The following ROBO2 variants were observed in gnomAD, a reference collection of about 807,000 sequenced individuals.
ROBO2 encodes the protein roundabout homolog 2.
A neutral mutation model predicts 160.8 loss-of-function variants in ROBO2; 53 were observed. The observed-to-expected ratio is 0.33, with a 90% CI of 0.26 to 0.41. The LOEUF (loss-of-function observed/expected upper bound fraction) is 0.41. Among genes scored for constraint, ROBO2 ranks in the 10% least tolerant of loss-of-function variants. The pLI, the probability that ROBO2 is intolerant of heterozygous loss-of-function variation, is 1.00. For synonymous variants in ROBO2, 664 were observed against 611.7 expected, an observed-to-expected ratio of 1.09 and a Z score of -1.26; for missense variants, 1,577 against 1,722.4, an observed-to-expected ratio of 0.92 and a Z score of 1.49.
chr3:76,404,109 A>T (rs1308178891), intron 2 of ROBO2, among the ~76,000 whole-genome samples: 1 of 151,674 alleles, frequency 6.6e-6, no homozygotes, highest in Non-Finnish European at 1.5e-5. Context: ...GCAATGCTTA[A>T]TTTGTGCTAC....
At chr3:76,703,360 ATTTTG>A (rs1358293432) in intron 2 of ROBO2, among the ~76,000 whole-genome samples, 1 of 151,978 alleles carries the variant, frequency 6.6e-6, no homozygotes, top group Non-Finnish European at 1.5e-5. Context: ...CCTGTCATTT[ATTTTG>A]TTTTGTTTTG....
intron 1 of ROBO2, among the ~76,000 whole-genome samples, chr3:75,918,270 G>A (rs1946891667): frequency 1.3e-5 from 2 of 152,122 alleles, no homozygotes; most frequent in African/African-American, 4.8e-5. Context: ...AGTTTTCCCA[G>A]CGCCATTTAT....
intron 2 of ROBO2, among the ~76,000 whole-genome samples, chr3:76,141,244 C>T (rs1311138995): frequency 7.6e-6 from 1 of 130,952 alleles, no homozygotes; most frequent in Non-Finnish European, 1.6e-5. Flanking sequence ...TCTGGCTTTG[C>T]TGAACATGAA....
intron 2 of ROBO2, among the ~76,000 whole-genome samples, chr3:77,343,511 C>T (rs190440122): frequency 3.3e-5 from 5 of 152,238 alleles, no homozygotes; most frequent in East Asian, 1.9e-4. Flanking sequence ...CACTTATTTA[C>T]GTATTTAACA....
chr3:76,758,218 T>A lies in ROBO2; in HGVS notation c.110-339796T>A, dbSNP rs148941384. 6.4e-3 allele frequency among the ~76,000 whole-genome samples: 979 copies of A among 151,878 alleles called. 12 individuals are homozygous for A. Among genetic ancestry groups the A allele is most frequent in the Non-Finnish European group, 6.9e-3 (471 of 67,834 alleles). On this transcript the variant is annotated intron_variant, in intron 2 of 26. Transcript: ENST00000487694. ...TTGTTCCATGGAAAAAAAAATACCA[T>A]CCATTCCTGCAGCACTTTTTACATT...
chr3:77,402,801 C>T (rs546527578), intron 2 of ROBO2, among the ~76,000 whole-genome samples: 14 of 152,166 alleles, frequency 9.2e-5, no homozygotes, highest in Admixed American at 3.9e-4. Context: ...CGCCGGCACA[C>T]GAAATCCTGA....
chr3:77,346,866 T>G (rs1477990480), intron 2 of ROBO2, among the ~76,000 whole-genome samples: 1 of 152,190 alleles, frequency 6.6e-6, no homozygotes, highest in Non-Finnish European at 1.5e-5. Context: ...TTGTCCTTTC[T>G]CCCTTCTGGC....
intron 2 of ROBO2, among the ~76,000 whole-genome samples, chr3:77,332,001 C>T (rs899547382): frequency 1.3e-5 from 2 of 152,246 alleles, no homozygotes; most frequent in South Asian, 2.1e-4. Context: ...CCAACGCCCC[C>T]GGCCTGAAAT....
chr3:77,213,151 G>A (rs1348583062), intron 2 of ROBO2, among the ~76,000 whole-genome samples: 1 of 152,124 alleles, frequency 6.6e-6, no homozygotes, highest in African/African-American at 2.4e-5. Flanking sequence ...AGAAGGAATG[G>A]TACCAGCTCC....
At chr3:77,039,223 G>A, upstream of ROBO2, among the ~76,000 whole-genome samples, 1 of 151,370 alleles carries the variant, frequency 6.6e-6, no homozygotes, top group East Asian at 2.0e-4. Context: ...AATCATATAG[G>A]AAGCATCTAC....
chr3:76,609,537 T>C (rs897744940), intron 2 of ROBO2, among the ~76,000 whole-genome samples: 1 of 152,164 alleles, frequency 6.6e-6, no homozygotes, highest in Non-Finnish European at 1.5e-5. Flanking sequence ...TGTTGGCATA[T>C]AGAAATGCTA....
intron 3 of ROBO2, among the ~76,000 whole-genome samples, chr3:77,477,850 T>TC: frequency 6.8e-6 from 1 of 147,610 alleles, no homozygotes; most frequent in African/African-American, 2.5e-5. Context: ...TTTTTTTTTT[T>TC]TTTGAGACAG....
At chr3:77,541,528 T>C (rs1449704171) in intron 6 of ROBO2, among the ~76,000 whole-genome samples, 3 of 152,234 alleles carry the variant, frequency 2.0e-5, no homozygotes, top group African/African-American at 4.8e-5. Flanking sequence ...TCAAGTGAAC[T>C]GTCCCAGACC....
chr3:76,700,795 G>T (rs1426887406), intron 2 of ROBO2, among the ~76,000 whole-genome samples: 2 of 152,000 alleles, frequency 1.3e-5, no homozygotes, highest in Admixed American at 6.6e-5. Context: ...AATTTTCTTT[G>T]TTCTTAGAGT....
intron 2 of ROBO2, among the ~76,000 whole-genome samples, chr3:77,235,190 A>G (rs190872815): frequency 6.6e-6 from 1 of 152,312 alleles, no homozygotes; most frequent in Admixed American, 6.5e-5. Context: ...TTATTAAAAT[A>G]CATATTTGGG....
chr3:76,567,557 C>T (rs1179082521), intron 2 of ROBO2, among the ~76,000 whole-genome samples: 1 of 142,432 alleles, frequency 7.0e-6, no homozygotes, highest in African/African-American at 2.6e-5. Flanking sequence ...TGGTTTCTTA[C>T]TGCTACATAG....
chr3:76,032,590 A>G (rs918475328), intron 2 of ROBO2, among the ~76,000 whole-genome samples: 2 of 152,104 alleles, frequency 1.3e-5, no homozygotes, highest in African/African-American at 4.8e-5. Flanking sequence ...GAACATCTTT[A>G]TTTCTGCCTT....
intron 2 of ROBO2, among the ~76,000 whole-genome samples, chr3:77,164,537 G>A (rs2078813696): frequency 1.4e-5 from 2 of 146,254 alleles, no homozygotes; most frequent in Admixed American, 1.3e-4. Flanking sequence ...AGGGAGGTGG[G>A]GGGGTCAGAC....
intron 2 of ROBO2, among the ~76,000 whole-genome samples, chr3:76,763,851 A>C (rs2061438998): frequency 6.6e-6 from 1 of 151,732 alleles, no homozygotes; most frequent in Admixed American, 6.6e-5. Flanking sequence ...GCAAGGCTCT[A>C]TTGCATTGAG....
Sources: gnomAD v4.1 joint callset for allele counts (sites outside exome capture counted in the v4.1 genomes callset) on GRCh38, gnomAD v4.1.1 for gene constraint, MANE v1.5 for transcripts, NCBI Gene and HGNC (gene_info 2026-07-23, HGNC 2026-07-21) for gene names.